The following CD36 variants were observed in gnomAD, a reference collection of about 807,000 sequenced individuals.
CD36 encodes platelet glycoprotein 4.
Under a neutral mutation model 55.2 loss-of-function variants are expected in CD36, and 119 were observed. The ratio of observed to expected loss-of-function variants is 2.15; its 90% CI spans 1.86 to 2.51. CD36 has a LOEUF of 2.51. Among genes scored for constraint, CD36 ranks in the 30% most tolerant of loss-of-function variants. The pLI is 0.00. For missense variants in CD36, 819 were observed against 555.5 expected, an observed-to-expected ratio of 1.47 and a Z score of -4.77; for synonymous variants, 186 against 193.6, an observed-to-expected ratio of 0.96 and a Z score of 0.33.
At chr7:80,636,427 A>G (rs1794407027), upstream of CD36, among the ~76,000 whole-genome samples, 1 of 152,042 alleles carries the variant, frequency 6.6e-6, no homozygotes, top group South Asian at 2.1e-4. Context: ...TGGAAAAAGA[A>G]GAACAAGCAG....
At chr7:80,656,316 A>C (rs893759774) in intron 3 of CD36, among the ~76,000 whole-genome samples, 1 of 152,300 alleles carries the variant, frequency 6.6e-6, no homozygotes, top group East Asian at 1.9e-4. Flanking sequence ...TGTCTTCAGT[A>C]TTACACACTG....
At chr7:80,664,643 G>C (rs1365847926) in intron 7 of CD36, 146 bp downstream of exon 7, 9 of 661,688 alleles carry the variant, frequency 1.4e-5, no homozygotes, top group Non-Finnish European at 2.5e-5. Flanking sequence ...TGTTCTGCTA[G>C]GTATTAACTC....
upstream of CD36, chr7:80,638,565 A>C (rs1425589349): frequency 7.6e-6 from 1 of 132,206 alleles, no homozygotes; most frequent in Non-Finnish European, 1.6e-5. Flanking sequence ...GACACTGTAG[A>C]GTGCTTTCTC....
intron 11 of CD36, 139 bp from the exon 12 acceptor site, chr7:80,672,631 T>C: frequency 7.7e-6 from 5 of 650,982 alleles, no homozygotes; most frequent in Non-Finnish European, 1.4e-5. Context: ...TATAACTATA[T>C]ATGCAGTTTT....
At chr7:80,666,859 A>G (rs530960157) in intron 8 of CD36, among the ~76,000 whole-genome samples, 1 of 152,212 alleles carries the variant, frequency 6.6e-6, no homozygotes, top group East Asian at 1.9e-4. Flanking sequence ...GAAAGAATTA[A>G]AAAAAGCTAA....
At chr7:80,602,349 C>T (rs1792285193) in exon 1 of CD36, 2 of 152,156 alleles carry the variant, frequency 1.3e-5, no homozygotes, top group South Asian at 4.1e-4. Flanking sequence ...TGAGGTCCTA[C>T]ATCTCCGAAA....
rs550442658 is a variant in CD36 at position 80,678,829 on chromosome 7, C to G, written c.*2446C>G. ...ACTGCACTCCAGCCTGGTGACAGAG[C>G]GAGATTCCATCTCAAAAAAAAAAAA... On this transcript the variant is annotated 3_prime_UTR_variant, in exon 15 of 15. Coordinates refer to ENST00000447544, the MANE Select transcript of CD36 (RefSeq NM_001001548.3). 6.9e-6 allele frequency: 1 copy of G among 144,450 alleles called. No homozygotes were observed. Among genetic ancestry groups the G allele is most frequent in the South Asian group, 2.3e-4 (1 of 4,386 alleles). The allele number at this position is 144,450 out of a possible 1,614,324, so 8.9% of individuals were successfully genotyped here.
At chr7:80,628,282 C>T (rs1793862735) in intron 1 of CD36, among the ~76,000 whole-genome samples, 1 of 151,976 alleles carries the variant, frequency 6.6e-6, no homozygotes, top group South Asian at 2.1e-4. Context: ...TAAACACTAC[C>T]AGCATGATTC....
upstream of CD36, chr7:80,638,414 A>G (rs951957542): frequency 2.0e-5 from 3 of 149,846 alleles, no homozygotes; most frequent in Non-Finnish European, 3.0e-5. Context: ...AAAAAAAAAA[A>G]TGCTGAATAT....
chr7:80,646,884 C>T lies in CD36; in HGVS notation c.120+24C>T, dbSNP rs140457847. 1.4e-5 allele frequency: 22 copies of T among 1,612,696 alleles called. No individual in the cohort carries two copies. The East Asian group carries it at 4.2e-4, about 31-fold the overall frequency. ...AGGTACAAGTAGTCCAAAGAATATGCCTTCTCATTTTGATTGATTCTAACT... is the reference window on the plus strand; with the variant it reads ...AGGTACAAGTAGTCCAAAGAATATGTCTTCTCATTTTGATTGATTCTAACT... On this transcript the variant is annotated intron_variant, in intron 3 of 14. Transcript: ENST00000447544.
At chr7:80,669,132 A>G (rs1797401193) in intron 8 of CD36, among the ~76,000 whole-genome samples, 1 of 152,194 alleles carries the variant, frequency 6.6e-6, no homozygotes, top group African/African-American at 2.4e-5. Flanking sequence ...CACTGGAAGA[A>G]AAGTGCCACT....
At chr7:80,649,791 A>G (rs1337536968) in intron 3 of CD36, among the ~76,000 whole-genome samples, 1 of 152,092 alleles carries the variant, frequency 6.6e-6, no homozygotes, top group Non-Finnish European at 1.5e-5. Context: ...GAATTATTAC[A>G]GAATTTGTAA....
intron 9 of CD36, 194 bp downstream of exon 9, chr7:80,670,216 C>T: frequency 6.9e-6 from 4 of 582,178 alleles, no homozygotes; most frequent in Non-Finnish European, 9.1e-6. Flanking sequence ...TAAGCAAGAA[C>T]CATTTTGCCT....
rs185779180 is a variant in CD36, at chr7:80,644,131, C to T, written c.-183-1957C>T. Among the ~76,000 whole-genome samples the T allele has an allele frequency of 6.6e-5, 10 of 152,240 alleles. No individual in the cohort carries two copies. In the East Asian group the frequency reaches 1.9e-3, roughly 29 times the overall value. On this transcript the variant is annotated intron_variant, in intron 1 of 14. Transcript: ENST00000447544. ...GAAATTCTATTTGACAATATCCAGT[C>T]CTGATTACCAGCATTAAATTACTCA...
chr7:80,666,118 C>A lies in CD36; in HGVS notation c.702-325C>A, dbSNP rs545385550. 1.8e-4 allele frequency: 59 copies of A among 320,966 alleles called. 3 individuals are homozygous for A. The highest frequency in any genetic ancestry group is 1.8e-3 in the South Asian group (57 of 32,184). 19.9% of individuals were successfully genotyped at this position (320,966 alleles called of 1,614,324 possible). Reference sequence around the variant, plus strand: ...TTATACTACTGAGTAATTCATGTATCCCATTGGAAAAAAAAAAATTTCCCC... The same window carrying A: ...TTATACTACTGAGTAATTCATGTATACCATTGGAAAAAAAAAAATTTCCCC... On this transcript the variant is annotated intron_variant, in intron 7 of 14. Transcript: ENST00000447544.
At chr7:80,609,286 T>G (rs956890534) in intron 1 of CD36, among the ~76,000 whole-genome samples, 1 of 152,306 alleles carries the variant, frequency 6.6e-6, no homozygotes, top group African/African-American at 2.4e-5. Context: ...CCCAGTTGTA[T>G]GTTTATTATT....
intron 4 of CD36, among the ~76,000 whole-genome samples, chr7:80,660,285 A>T (rs553971061): frequency 6.6e-6 from 1 of 152,320 alleles, no homozygotes; most frequent in East Asian, 1.9e-4. Flanking sequence ...AGGAGATTAG[A>T]ACTAGCAAAA....
At chr7:80,636,728 TCTTTA>T (rs1274983082), upstream of CD36, 2 of 152,030 alleles carry the variant, frequency 1.3e-5, no homozygotes, top group Non-Finnish European at 2.9e-5. Flanking sequence ...ACCCCAACAC[TCTTTA>T]CTTTAAAATG....
At chr7:80,612,066 T>G (rs1268654627) in intron 1 of CD36, among the ~76,000 whole-genome samples, 1 of 152,258 alleles carries the variant, frequency 6.6e-6, no homozygotes, top group Non-Finnish European at 1.5e-5. Flanking sequence ...ACCTAGCTAA[T>G]AATATCAGCC....
Sources: allele counts gnomAD v4.1 joint callset (sites outside exome capture counted in the v4.1 genomes callset), GRCh38; gene constraint gnomAD v4.1.1; transcripts MANE v1.5; gene names NCBI Gene and HGNC (gene_info 2026-07-23, HGNC 2026-07-21).